The following CECR2 variants were observed in gnomAD, a reference collection of about 807,000 sequenced individuals.
The protein encoded by CECR2 is CECR2 histone acetyl-lysine reader.
Under a neutral mutation model 154.5 loss-of-function variants are expected in CECR2, and 30 were observed. The observed-to-expected ratio is 0.19, with a 90% CI of 0.15 to 0.26. CECR2 has a LOEUF of 0.26. Among genes scored for constraint, CECR2 ranks in the 10% least tolerant of loss-of-function variants. The pLI, the probability that CECR2 is intolerant of heterozygous loss-of-function variation, is 1.00. For synonymous variants in CECR2, 725 were observed against 683.7 expected (o/e 1.06, Z -0.94); for missense variants, 1,743 against 1,829.3 (o/e 0.95, Z 0.86).
intron 1 of CECR2, among the ~76,000 whole-genome samples, chr22:17,409,081 T>C (rs1350135049): frequency 6.6e-6 from 1 of 152,212 alleles, no homozygotes; most frequent in African/African-American, 2.4e-5. Flanking sequence ...AGCCTATCTA[T>C]AGCTTGTTCT....
chr22:17,382,951 G>C (rs2063216121), intron 1 of CECR2, among the ~76,000 whole-genome samples: 1 of 152,086 alleles, frequency 6.6e-6, no homozygotes, highest in Admixed American at 6.6e-5. Flanking sequence ...TGATTGGCCA[G>C]GCGCGGTGGC....
intron 1 of CECR2, among the ~76,000 whole-genome samples, chr22:17,456,506 C>T (rs930231000): frequency 6.6e-6 from 1 of 152,106 alleles, no homozygotes; most frequent in Non-Finnish European, 1.5e-5. Flanking sequence ...TGCAAAAAGC[C>T]CTTCAAGTTG....
rs1388617390 is a variant in CECR2, at chr22:17,484,805, A to G, written c.221+7123A>G. 2.6e-5 allele frequency among the ~76,000 whole-genome samples: 4 copies of G among 152,160 alleles called. No individual in the cohort carries two copies. In the East Asian group the frequency reaches 5.8e-4, roughly 22 times the overall value. ...AGGCATGAGAATTGCTTGAACCTGG[A>G]AGGCAGAGGTTGCAGTGAGCCGAGA... is the stretch of plus-strand genomic sequence containing the variant. On this transcript the variant is annotated intron_variant, in intron 2 of 18. Coordinates refer to ENST00000262608, the MANE Select transcript of CECR2 (RefSeq NM_001290047.2).
chr22:17,440,818 CCT>C (rs1255998042), intron 1 of CECR2, among the ~76,000 whole-genome samples: 5 of 152,114 alleles, frequency 3.3e-5, no homozygotes, highest in Admixed American at 6.6e-5. Context: ...ACAGACATCC[CCT>C]GTGTTTTCTG....
chr22:17,425,226 T>C (rs946975884), intron 1 of CECR2, among the ~76,000 whole-genome samples: 2 of 151,998 alleles, frequency 1.3e-5, no homozygotes, highest in Admixed American at 6.6e-5. Flanking sequence ...AGGTTATAAA[T>C]TGCATCTAGT....
intron 1 of CECR2, among the ~76,000 whole-genome samples, chr22:17,404,087 G>A (rs1236002803): frequency 1.3e-5 from 2 of 151,566 alleles, no homozygotes; most frequent in African/African-American, 2.4e-5. Flanking sequence ...GTGAAACCCC[G>A]TCTCTGCTAA....
intron 2 of CECR2, among the ~76,000 whole-genome samples, chr22:17,495,629 G>A (rs927541779): frequency 2.7e-5 from 4 of 150,296 alleles, no homozygotes; most frequent in Admixed American, 1.3e-4. Flanking sequence ...TCGGGAGGCC[G>A]AGGCGGGTGG....
intron 2 of CECR2, among the ~76,000 whole-genome samples, 188 bp downstream of exon 2, chr22:17,477,870 A>G (rs2055236808): frequency 6.6e-6 from 1 of 152,182 alleles, no homozygotes; most frequent in Admixed American, 6.5e-5. Flanking sequence ...TTTTTATTCC[A>G]TCATAATCTT....
Position 17,552,746 on chromosome 22 carries a change from G to T in CECR2, c.4390-89G>T. The T allele has an allele frequency of 2.6e-6, 3 of 1,172,686 alleles. 1 individual carries two copies. The highest frequency in any genetic ancestry group is 3.5e-6 in the Non-Finnish European group (3 of 851,076). 72.6% of individuals were successfully genotyped at this position (1,172,686 alleles called of 1,614,324 possible). A position where few individuals can be genotyped will look rare whatever the true frequency, so the allele number is the denominator to read the frequency against. On this transcript the variant is annotated intron_variant, in intron 18 of 18. Coordinates refer to ENST00000262608, the MANE Select transcript of CECR2 (RefSeq NM_001290047.2). Reference sequence around the variant, plus strand: ...GAATCAAGCCATTTTCACACATGAGGAGCTTGGACATTCTTTGGCTTACTT... The same window carrying T: ...GAATCAAGCCATTTTCACACATGAGTAGCTTGGACATTCTTTGGCTTACTT...
chr22:17,420,943 C>T (rs537163401), intron 1 of CECR2, among the ~76,000 whole-genome samples: 5 of 152,140 alleles, frequency 3.3e-5, no homozygotes, highest in African/African-American at 7.2e-5. Flanking sequence ...ATGAGGACCT[C>T]GTAATAACTA....
At chr22:17,509,033 C>T (rs1297836608) in intron 7 of CECR2, among the ~76,000 whole-genome samples, 1 of 152,106 alleles carries the variant, frequency 6.6e-6, no homozygotes, top group East Asian at 1.9e-4. Flanking sequence ...GGTGGATCAC[C>T]TGAGGTCTAG....
chr22:17,447,217 A>G (rs1021077722), intron 1 of CECR2, among the ~76,000 whole-genome samples: 4 of 150,700 alleles, frequency 2.7e-5, no homozygotes, highest in African/African-American at 7.3e-5. Context: ...TGTGTTTTTT[A>G]GTAGACGGGA....
rs1254939058 is a variant in CECR2, at chr22:17,555,591, T to TC, written c.*2752dup. 6.6e-6 allele frequency: 1 copy of TC among 152,190 alleles called. No individual in the cohort carries two copies. Among genetic ancestry groups the TC allele is most frequent in the African/African-American group, 2.4e-5 (1 of 41,450 alleles). The allele number at this position is 152,190 out of a possible 1,614,324, so 9.4% of individuals were successfully genotyped here. A position where few individuals can be genotyped will look rare whatever the true frequency, so the allele number is the denominator to read the frequency against. ...TCTTCTTCTCACCTTTTCTTCCTCC[T>TC]CTAGCACTTCTCTTTCCAAGTGTCT... On this transcript the variant is annotated 3_prime_UTR_variant, in exon 19 of 19. Transcript: ENST00000262608.
intron 7 of CECR2, among the ~76,000 whole-genome samples, chr22:17,506,421 C>CCAGCCCGAAACAGAAAAGCTTTCTAAAGT (rs2055846079): frequency 6.6e-6 from 1 of 152,182 alleles, no homozygotes. Flanking sequence ...GCCACCACAC[C>CCAGCCCGAAACAGAAAAGCTTTCTAAAGT]TGGCCCCCTC....
At chr22:17,446,545 G>C (rs183016292) in intron 1 of CECR2, among the ~76,000 whole-genome samples, 1 of 151,960 alleles carries the variant, frequency 6.6e-6, no homozygotes, top group Admixed American at 6.6e-5. Context: ...GTGAAACCCC[G>C]TCTCTACTAA....
intron 1 of CECR2, among the ~76,000 whole-genome samples, chr22:17,448,870 T>G (rs987524561): frequency 6.6e-6 from 1 of 151,982 alleles, no homozygotes; most frequent in African/African-American, 2.4e-5. Context: ...CTCTTTTTTA[T>G]TTATTTATTA....
chr22:17,495,964 T>A (rs1392096892), intron 2 of CECR2, among the ~76,000 whole-genome samples: 2 of 150,688 alleles, frequency 1.3e-5, no homozygotes. Flanking sequence ...TTGCTTGAGC[T>A]CAGGAGTTTG....
chr22:17,526,918 C>T (rs1049991914), intron 9 of CECR2, among the ~76,000 whole-genome samples: 1 of 151,680 alleles, frequency 6.6e-6, no homozygotes, highest in Middle Eastern at 3.2e-3. Context: ...AGCACAGGCA[C>T]CCAAAGCAAA....
intron 6 of CECR2, among the ~76,000 whole-genome samples, chr22:17,503,986 G>T (rs1014949845): frequency 6.6e-6 from 1 of 152,034 alleles, no homozygotes; most frequent in African/African-American, 2.4e-5. Context: ...GGCGGAGGCT[G>T]CAGTGAGCTG....
Sources: gnomAD v4.1 joint callset for allele counts (sites outside exome capture counted in the v4.1 genomes callset) on GRCh38, gnomAD v4.1.1 for gene constraint, MANE v1.5 for transcripts, NCBI Gene and HGNC (gene_info 2026-07-23, HGNC 2026-07-21) for gene names.